PCDH9: variants seen among roughly 807,000 people sequenced by gnomAD.
The protein encoded by PCDH9 is protocadherin 9.
PCDH9 carries 24 observed loss-of-function variants against 70.6 expected under a neutral mutation model. The ratio of observed to expected loss-of-function variants is 0.34; its 90% CI spans 0.25 to 0.48. The LOEUF (loss-of-function observed/expected upper bound fraction) is 0.48, where lower values mean the gene tolerates loss of function less well. PCDH9 is among the 20% of genes least tolerant of loss of function. PCDH9 has a pLI of 0.99. For synonymous variants in PCDH9, 562 were observed against 558.5 expected, an observed-to-expected ratio of 1.01 and a Z score of -0.09; for missense variants, 1,281 against 1,503.6, an observed-to-expected ratio of 0.85 and a Z score of 2.45.
At chr13:67,229,547 C>A (rs986530039) in intron 1 of PCDH9, among the ~76,000 whole-genome samples, 1 of 152,202 alleles carries the variant, frequency 6.6e-6, no homozygotes, top group Non-Finnish European at 1.5e-5. Context: ...CAGGCAGCTA[C>A]CTACTTGAGT....
At chr13:66,488,931 C>T (rs1958990025) in intron 4 of PCDH9, among the ~76,000 whole-genome samples, 1 of 151,822 alleles carries the variant, frequency 6.6e-6, no homozygotes, top group Non-Finnish European at 1.5e-5. Flanking sequence ...TAATTAGTTC[C>T]CACAGGCGAG....
intron 4 of PCDH9, among the ~76,000 whole-genome samples, chr13:66,615,079 G>A (rs1336236842): frequency 1.3e-5 from 2 of 152,196 alleles, no homozygotes; most frequent in Non-Finnish European, 2.9e-5. Flanking sequence ...GCATGCCAGG[G>A]CAAATATTTA....
chr13:66,629,115 A>C (rs1454665931), intron 4 of PCDH9, among the ~76,000 whole-genome samples: 1 of 152,236 alleles, frequency 6.6e-6, no homozygotes, highest in African/African-American at 2.4e-5. Flanking sequence ...AAAGTTCATG[A>C]AACATTGTCT....
chr13:67,031,055 T>A (rs945210297), intron 2 of PCDH9, among the ~76,000 whole-genome samples: 1 of 152,200 alleles, frequency 6.6e-6, no homozygotes, highest in African/African-American at 2.4e-5. Context: ...AACTTTGTAT[T>A]CAAAGCATAA....
intron 3 of PCDH9, among the ~76,000 whole-genome samples, chr13:66,676,913 G>A (rs1435594571): frequency 2.0e-5 from 3 of 151,900 alleles, no homozygotes; most frequent in Non-Finnish European, 4.4e-5. Flanking sequence ...ATTAATGTTT[G>A]TTTTCCTTTA....
chr13:66,563,010 AG>A (rs1384148329), intron 4 of PCDH9, among the ~76,000 whole-genome samples: 1 of 152,074 alleles, frequency 6.6e-6, no homozygotes, highest in Non-Finnish European at 1.5e-5. Context: ...GTCCTTTAAA[AG>A]CTTTATTTCC....
intron 4 of PCDH9, among the ~76,000 whole-genome samples, chr13:66,368,446 C>G (rs954274214): frequency 2.6e-5 from 4 of 151,300 alleles, no homozygotes; most frequent in Non-Finnish European, 4.4e-5. Context: ...TAAGTGACAC[C>G]CCCAATTTTA....
At chr13:66,323,013 A>T (rs1000791319) in intron 4 of PCDH9, among the ~76,000 whole-genome samples, 3 of 152,076 alleles carry the variant, frequency 2.0e-5, no homozygotes, top group African/African-American at 7.3e-5. Context: ...TAGTTTTAAC[A>T]GAACTATTAA....
chr13:67,128,603 C>A (rs66953206), intron 2 of PCDH9, among the ~76,000 whole-genome samples: 1 of 152,036 alleles, frequency 6.6e-6, no homozygotes, highest in Non-Finnish European at 1.5e-5. Context: ...CCCTTCTGCT[C>A]TCTCCCTCTG....
chr13:66,389,783 A>G (rs1956987132), intron 4 of PCDH9, among the ~76,000 whole-genome samples: 1 of 152,114 alleles, frequency 6.6e-6, no homozygotes, highest in Non-Finnish European at 1.5e-5. Flanking sequence ...TTTCATGAGG[A>G]CTCAAAAAAT....
intron 4 of PCDH9, among the ~76,000 whole-genome samples, chr13:66,509,749 G>A (rs533400022): frequency 1.3e-5 from 2 of 152,002 alleles, no homozygotes; most frequent in South Asian, 2.1e-4. Flanking sequence ...CACCACACCC[G>A]GCCTGCAATA....
intron 3 of PCDH9, among the ~76,000 whole-genome samples, chr13:66,751,890 T>C (rs1017416893): frequency 3.3e-5 from 5 of 152,182 alleles, no homozygotes; most frequent in Admixed American, 1.3e-4. Flanking sequence ...AAACCAGTAT[T>C]AGACTCATGA....
chr13:66,823,264 A>T (rs572177462), intron 3 of PCDH9, among the ~76,000 whole-genome samples: 25 of 152,080 alleles, frequency 1.6e-4, no homozygotes, highest in African/African-American at 6.0e-4. Context: ...CTGTCCATAA[A>T]TATTAAAGTG....
intron 2 of PCDH9, among the ~76,000 whole-genome samples, chr13:66,986,859 T>C (rs1002141625): frequency 9.2e-5 from 14 of 151,968 alleles, no homozygotes; most frequent in South Asian, 4.2e-4. Context: ...CTGAATAAAA[T>C]GGAAAAATGA....
At chr13:66,572,955 T>C (rs1688720819) in intron 4 of PCDH9, among the ~76,000 whole-genome samples, 1 of 152,058 alleles carries the variant, frequency 6.6e-6, no homozygotes, top group African/African-American at 2.4e-5. Context: ...CGGGGACTCA[T>C]GATGTTGCCC....
intron 3 of PCDH9, among the ~76,000 whole-genome samples, chr13:66,839,080 TA>T (rs913198358): frequency 6.6e-6 from 1 of 151,940 alleles, no homozygotes; most frequent in Non-Finnish European, 1.5e-5. Flanking sequence ...GACAGAGTAT[TA>T]AAAAAACTTT....
At chr13:66,675,176 ATT>A (rs1555320241) in intron 3 of PCDH9, among the ~76,000 whole-genome samples, 1 of 152,000 alleles carries the variant, frequency 6.6e-6, no homozygotes, top group Non-Finnish European at 1.5e-5. Context: ...CATTTTGCAA[ATT>A]TTTTTGAGTT....
rs1594364493 is a variant in PCDH9, at chr13:66,994,456, C to G, written c.3037-90851G>C. ...GATATGCAGAGCGCTGAGACTAGCCCGGGGAATCACAAAGCTGGTGGGTTT... is the reference window on the plus strand; with the variant it reads ...GATATGCAGAGCGCTGAGACTAGCCGGGGGAATCACAAAGCTGGTGGGTTT... On this transcript the variant is annotated intron_variant, in intron 2 of 4. Coordinates refer to ENST00000377865, the MANE Select transcript of PCDH9 (RefSeq NM_203487.3). 2.6e-5 allele frequency among the ~76,000 whole-genome samples: 4 copies of G among 152,192 alleles called. No homozygotes were observed. In the South Asian group the frequency reaches 8.3e-4, roughly 32 times the overall value.
chr13:66,835,676 T>C (rs565236011), intron 3 of PCDH9, among the ~76,000 whole-genome samples: 11 of 152,314 alleles, frequency 7.2e-5, no homozygotes, highest in Middle Eastern at 3.4e-3. Context: ...TTTTTTATGC[T>C]AGAATGTCTA....
Sources: allele counts gnomAD v4.1 joint callset (sites outside exome capture counted in the v4.1 genomes callset), GRCh38; gene constraint gnomAD v4.1.1; transcripts MANE v1.5; gene names NCBI Gene and HGNC (gene_info 2026-07-23, HGNC 2026-07-21).